The following PRAM1 variants were observed in gnomAD, a reference collection of about 807,000 sequenced individuals.
PRAM1 encodes PML-RARA regulated adaptor molecule 1.
A neutral mutation model predicts 55.3 loss-of-function variants in PRAM1; 41 were observed. The observed-to-expected ratio is 0.74, with a 90% CI of 0.58 to 0.96. The LOEUF (loss-of-function observed/expected upper bound fraction) is 0.96. PRAM1 is among the 40% of genes least tolerant of loss of function. The pLI is 0.00. For missense variants in PRAM1, 898 were observed against 892.7 expected (o/e 1.01, Z -0.08); for synonymous variants, 401 against 387.1 (o/e 1.04, Z -0.42).
rs771472602 is a variant in PRAM1, at chr19:8,498,922, T to A, written c.886A>T (p.Thr296Ser). The A allele has an allele frequency of 4.5e-5, 72 of 1,613,204 alleles. No homozygotes were observed. In the Admixed American group the frequency reaches 1.2e-3, roughly 27 times the overall value. Reference sequence around the variant, plus strand: ...ACGCTGACTTCGGGCTCTGAGGAGGTCCTGGTGAGGTCCCCAAGCTCAGGC... The same window carrying A: ...ACGCTGACTTCGGGCTCTGAGGAGGACCTGGTGAGGTCCCCAAGCTCAGGC... The part of the protein sequence containing the change: ...PQPELGDLTR[T>S]SSEPEVSVLP... The change falls in exon 2 of 10, where the codon ACC becomes TCC. Residue 296 changes from threonine to serine, a missense_variant. Coordinates refer to ENST00000423345, the MANE Select transcript of PRAM1 (RefSeq NM_032152.5).
rs779316465 is a variant in PRAM1 at position 8,499,319 on chromosome 19, C to T, written c.489G>A (p.Pro163=). 4.3e-5 allele frequency: 70 copies of T among 1,609,854 alleles called. No homozygotes were observed. Among genetic ancestry groups the T allele is most frequent in the Non-Finnish European group, 5.5e-5 (65 of 1,178,438 alleles). Residue 163 remains proline (P), a synonymous_variant, in exon 2 of 10, where the codon CCG becomes CCA. Coordinates refer to ENST00000423345, the MANE Select transcript of PRAM1 (RefSeq NM_032152.5). ...LKASLPEPGA[P]ARKPLQPDEL... ...CGTCGGGCTGCAGGGGTTTCCGGGC[C>T]GGCGCACCAGGCTCCGGCAGCGAGG...
chr19:8,492,664 T>C (rs1293800624), intron 4 of PRAM1, among the ~76,000 whole-genome samples: 2 of 151,892 alleles, frequency 1.3e-5, no homozygotes, highest in Non-Finnish European at 2.9e-5. Flanking sequence ...AAGAAGAAAT[T>C]GGGTGTTCCA....
Position 8,490,593 on chromosome 19 carries a change from CA to C in PRAM1, c.1906del (p.Tyr636MetfsTer?). 1.3e-6 allele frequency: 2 copies of C among 1,587,496 alleles called. No homozygotes were observed. Among genetic ancestry groups the C allele is most frequent in the Non-Finnish European group, 1.7e-6 (2 of 1,166,894 alleles). On this transcript the variant is annotated frameshift_variant and splice_region_variant, in exon 7 of 10. Coordinates refer to ENST00000423345, the MANE Select transcript of PRAM1 (RefSeq NM_032152.5). LOFTEE classifies it high-confidence loss of function. This position sits in a 1 kb window ranked among gnomAD's most constrained non-coding sequence, Gnocchi z 7.3. ...GGGGCTGCGGGGCCGGGCGCACTCA[CA>C]TTTGCCTTTGGGGTCCCGGCACAGC... The part of the protein sequence containing the change: ...EMLCRDPKGK[Y>X]GYVPRTALLP...
At position 8,498,752 on chromosome 19, in the gene PRAM1, C is replaced by A. The variant is rs777089801; in HGVS notation, c.1056G>T (p.Gly352=). 5.7e-6 allele frequency: 9 copies of A among 1,574,502 alleles called. No homozygotes were observed. The highest frequency in any genetic ancestry group is 2.3e-5 in the South Asian group (2 of 86,574). ...PRKLLQPERR[G]PPRKFSQPEP... ...CAGGCTGTGAGAACTTGCGGGGTGG[C>A]CCCCGGCGCTCCGGCTGCAGCAGCT... is the stretch of plus-strand genomic sequence containing the variant. The change falls in exon 2 of 10, where the codon GGG becomes GGT. Residue 352 remains glycine (G), a synonymous_variant. Coordinates refer to ENST00000423345, the MANE Select transcript of PRAM1 (RefSeq NM_032152.5).
chr19:8,490,312 C>CCAG lies in PRAM1; in HGVS notation c.1975+23_1975+25dup. Reference sequence around the variant, plus strand: ...CCCCCGGGGAATCGCCAGGGTCCCTCCAGCCCTCCCAGAGTGTCCACGTAC... The same window carrying CCAG: ...CCCCCGGGGAATCGCCAGGGTCCCTCCAGCAGCCCTCCCAGAGTGTCCACGTAC... On this transcript the variant is annotated intron_variant, in intron 9 of 9. Transcript: ENST00000423345. The surrounding 1 kb of genome is among the most constrained non-coding windows in gnomAD (Gnocchi z 7.3). 3.7e-6 allele frequency: 6 copies of CCAG among 1,613,964 alleles called. No homozygotes were observed. The highest frequency in any genetic ancestry group is 5.1e-6 in the Non-Finnish European group (6 of 1,179,878).
Position 8,498,831 on chromosome 19 carries a change from A to G in PRAM1, c.977T>C (p.Leu326Pro). 1 of 1,599,396 alleles carries G rather than the reference A, an allele frequency of 6.3e-7. No individual in the cohort carries two copies. The highest frequency in any genetic ancestry group is 8.5e-7 in the Non-Finnish European group (1 of 1,173,380). Residue 326 changes from leucine (L) to proline (P), a missense_variant, in exon 2 of 10, where the codon CTG (leucine) becomes CCG (proline). This residue lies in a region of PRAM1 where 787 missense variants were observed against 735.4 expected (regional missense o/e 1.07). Coordinates refer to ENST00000423345, the MANE Select transcript of PRAM1 (RefSeq NM_032152.5). ...TGAGGAGGTCCTGGGGAGGCCGCCC[A>G]GCTCGGGCTGCGGGGGCTTCTTGGA... is the stretch of plus-strand genomic sequence containing the variant. ...ALSKKPPQPE[L>P]GGLPRTSSEP...
intron 4 of PRAM1, among the ~76,000 whole-genome samples, chr19:8,492,417 C>T (rs1971643046): frequency 6.6e-6 from 1 of 151,436 alleles, no homozygotes; most frequent in African/African-American, 2.4e-5. Context: ...CTGCCACACC[C>T]AGCTGATTTT....
chr19:8,496,742 C>A (rs1459132194), intron 4 of PRAM1, among the ~76,000 whole-genome samples: 1 of 150,830 alleles, frequency 6.6e-6, no homozygotes, highest in African/African-American at 2.4e-5. Flanking sequence ...AAAACGAATA[C>A]ATAAATAAAT....
Position 8,490,175 on chromosome 19 carries a change from C to G in PRAM1, c.*14G>C. On this transcript the variant is annotated 3_prime_UTR_variant, in exon 10 of 10. Transcript: ENST00000423345. The surrounding 1 kb of genome is among the most constrained non-coding windows in gnomAD (Gnocchi z 7.3). Reference sequence around the variant, plus strand: ...CTGGGCTGGCTGGCTGTCCTGGCCCCACGCCTACCGGTCTTACCGTCCCAG... The same window carrying G: ...CTGGGCTGGCTGGCTGTCCTGGCCCGACGCCTACCGGTCTTACCGTCCCAG... The G allele has an allele frequency of 6.4e-7, 1 of 1,557,786 alleles. No homozygotes were observed. Among genetic ancestry groups the G allele is most frequent in the Non-Finnish European group, 8.7e-7 (1 of 1,150,026 alleles).
chr19:8,494,017 C>T (rs921377994), intron 4 of PRAM1, among the ~76,000 whole-genome samples: 4 of 152,094 alleles, frequency 2.6e-5, no homozygotes, highest in Non-Finnish European at 4.4e-5. Context: ...AGGCTGGTCT[C>T]GAACTCCCAA....
chr19:8,501,718 C>G (rs768442381), intron 1 of PRAM1, among the ~76,000 whole-genome samples: 3 of 152,102 alleles, frequency 2.0e-5, no homozygotes, highest in Non-Finnish European at 2.9e-5. Context: ...CACAGAGATG[C>G]CTGGAGACGG....
chr19:8,497,083 T>C (rs929387991), intron 4 of PRAM1, among the ~76,000 whole-genome samples: 5 of 151,828 alleles, frequency 3.3e-5, no homozygotes, highest in Admixed American at 1.3e-4. Context: ...GAATGGAACC[T>C]AACATCTTGT....
Position 8,501,734 on chromosome 19 carries a change from C to T in PRAM1, c.27+831G>A, listed in dbSNP as rs544390306. ...ACAGAGATGCCTGGAGACGGCCATG[C>T]GGTCCCTCTCACACCGTCTCTGACA... On this transcript the variant is annotated intron_variant, in intron 1 of 9. Coordinates refer to ENST00000423345, the MANE Select transcript of PRAM1 (RefSeq NM_032152.5). Among the ~76,000 whole-genome samples, 6 of 152,236 alleles carry T rather than the reference C, an allele frequency of 3.9e-5. No homozygotes were observed. The South Asian group carries it at 6.2e-4, about 16-fold the overall frequency.
chr19:8,499,434 C>T lies in PRAM1; in HGVS notation c.374G>A (p.Ser125Asn), dbSNP rs1971767406. The T allele has an allele frequency of 2.5e-6, 4 of 1,611,802 alleles. No individual in the cohort carries two copies. The highest frequency in any genetic ancestry group is 2.0e-4 in the Middle Eastern group (1 of 5,034). The stretch of plus-strand genomic sequence containing the variant: ...CTGTGGGAACTTCTTGGAGAGGTCA[C>T]TCAACTCCAGTTTGGACGGCTTCTT... Reference protein sequence around the residue: ...LPKKPSKLELSDLSKKFPQLG... With the variant: ...LPKKPSKLELNDLSKKFPQLG... Residue 125 changes from serine (S) to asparagine (N), a missense_variant, in exon 2 of 10, where the codon AGT becomes AAT. Transcript: ENST00000423345.
chr19:8,502,394 G>A (rs1045654049), intron 1 of PRAM1, among the ~76,000 whole-genome samples, 171 bp downstream of exon 1: 4 of 151,956 alleles, frequency 2.6e-5, no homozygotes, highest in African/African-American at 9.7e-5. Context: ...GGTGTGCCTG[G>A]TGGCCGCCTA....
rs1467227294 is a variant in PRAM1 at position 8,490,304 on chromosome 19, G to C, written c.1975+34C>G. On this transcript the variant is annotated intron_variant, in intron 9 of 9. Transcript: ENST00000423345. The surrounding 1 kb of genome is among the most constrained non-coding windows in gnomAD (Gnocchi z 7.3). The stretch of plus-strand genomic sequence containing the variant: ...GAGCAGCGCCCCCGGGGAATCGCCA[G>C]GGTCCCTCCAGCCCTCCCAGAGTGT... 4.3e-6 allele frequency: 7 copies of C among 1,613,946 alleles called. No homozygotes were observed. Among genetic ancestry groups the C allele is most frequent in the Non-Finnish European group, 5.1e-6 (6 of 1,179,854 alleles).
chr19:8,495,195 G>A (rs1971681825), intron 4 of PRAM1, among the ~76,000 whole-genome samples: 1 of 151,824 alleles, frequency 6.6e-6, no homozygotes, highest in Non-Finnish European at 1.5e-5. Flanking sequence ...TCCTTCCCAG[G>A]TTCACGCGAT....
chr19:8,492,279 G>A (rs368130698), intron 4 of PRAM1, among the ~76,000 whole-genome samples: 8 of 144,254 alleles, frequency 5.5e-5, no homozygotes, highest in Admixed American at 3.6e-4. Context: ...TTTTTGAGAC[G>A]GAGTTTCATT....
In PRAM1 at chr19:8,498,204, G is replaced by A. The variant is rs746260852; in HGVS notation, c.1499+19C>T. The A allele has an allele frequency of 2.1e-5, 34 of 1,608,620 alleles. No homozygotes were observed. The South Asian group carries it at 3.1e-4, about 15-fold the overall frequency. Reference sequence around the variant, plus strand: ...AGCCCCACAATCCGCACCCACCTCCGCTTCCTCCCCACACTCACTGCGGGA... The same window carrying A: ...AGCCCCACAATCCGCACCCACCTCCACTTCCTCCCCACACTCACTGCGGGA... On this transcript the variant is annotated intron_variant, in intron 3 of 9. Coordinates refer to ENST00000423345, the MANE Select transcript of PRAM1 (RefSeq NM_032152.5).
Sources: allele counts gnomAD v4.1 joint callset (sites outside exome capture counted in the v4.1 genomes callset), GRCh38; gene constraint gnomAD v4.1.1; regional missense constraint gnomAD v4.1.1; non-coding constraint Gnocchi (gnomAD v3.1); transcripts MANE v1.5; gene names NCBI Gene and HGNC (gene_info 2026-07-23, HGNC 2026-07-21).